UBE2J1: variants seen among roughly 807,000 people sequenced by gnomAD.
The protein encoded by UBE2J1 is ubiquitin-conjugating enzyme E2 J1.
A neutral mutation model predicts 42.1 loss-of-function variants in UBE2J1; 17 were observed. That is an observed-to-expected ratio of 0.40 (90% CI 0.28 to 0.61). The LOEUF (loss-of-function observed/expected upper bound fraction) is 0.61, where lower values mean the gene tolerates loss of function less well. Ranked by LOEUF, UBE2J1 falls within the 20% of genes least tolerant of loss-of-function variation. UBE2J1 has a pLI of 0.38. For missense variants in UBE2J1, 291 were observed against 389.4 expected, an observed-to-expected ratio of 0.75 and a Z score of 2.13; for synonymous variants, 127 against 137.2, an observed-to-expected ratio of 0.93 and a Z score of 0.52.
rs1562405873 is a variant in UBE2J1, at chr6:89,326,892, T to C, written c.*2787A>G. On this transcript the variant is annotated 3_prime_UTR_variant, in exon 8 of 8. Transcript: ENST00000435041. ...TGAGTCCAAATGTGTGAGTGAGGTT[T>C]ACCTGTTTTCTGATTCTGATCTATA... The C allele has an allele frequency of 6.6e-6, 1 of 152,422 alleles. No individual in the cohort carries two copies. Among genetic ancestry groups the C allele is most frequent in the Non-Finnish European group, 1.5e-5 (1 of 68,026 alleles). The allele number at this position is 152,422 out of a possible 1,614,324, so 9.4% of individuals were successfully genotyped here.
Position 89,329,466 on chromosome 6 carries a change from C to A in UBE2J1, c.*213G>T, listed in dbSNP as rs1767961842. On this transcript the variant is annotated 3_prime_UTR_variant, in exon 8 of 8. Transcript: ENST00000435041. ...CTGCAAAGCAGATCAAATAGTGAGA[C>A]AAGGAACTTTGACTTCTAGTCCCTT... 5.4e-6 allele frequency: 3 copies of A among 552,416 alleles called. No individual in the cohort carries two copies. The Admixed American group carries it at 1.1e-4, about 20-fold the overall frequency. The allele number at this position is 552,416 out of a possible 1,614,324, so 34.2% of individuals were successfully genotyped here. A position where few individuals can be genotyped will look rare whatever the true frequency, so the allele number is the denominator to read the frequency against.
intron 3 of UBE2J1, among the ~76,000 whole-genome samples, chr6:89,340,776 T>G (rs201606401): frequency 6.8e-6 from 1 of 146,598 alleles, no homozygotes. Context: ...TTATTTATGT[T>G]TTTTTTTTTT....
intron 3 of UBE2J1, among the ~76,000 whole-genome samples, chr6:89,339,093 A>C (rs1417968820): frequency 6.6e-6 from 1 of 152,074 alleles, no homozygotes; most frequent in Non-Finnish European, 1.5e-5. Context: ...GCACCTTTTG[A>C]AACTGAGTTG....
chr6:89,339,799 A>G (rs2127867811), intron 3 of UBE2J1, among the ~76,000 whole-genome samples: 1 of 151,734 alleles, frequency 6.6e-6, no homozygotes, highest in South Asian at 2.1e-4. Context: ...ACTTGAGGCC[A>G]GGAGTTTGAG....
At chr6:89,351,172 C>G (rs563764658) in intron 1 of UBE2J1, among the ~76,000 whole-genome samples, 1 of 147,424 alleles carries the variant, frequency 6.8e-6, no homozygotes, top group East Asian at 2.1e-4. Flanking sequence ...ACCTCCTCCC[C>G]GGGTCAAGCC....
In UBE2J1 at chr6:89,352,651, C is replaced by T. The variant is rs905066374; in HGVS notation, c.-82G>A. ...GGCCGCTGCCCGGGTCTCAGCGCGGCTCGGGCGGACGGGGCCTGGCCGAGG... is the reference window on the plus strand; with the variant it reads ...GGCCGCTGCCCGGGTCTCAGCGCGGTTCGGGCGGACGGGGCCTGGCCGAGG... On this transcript the variant is annotated 5_prime_UTR_variant, in exon 1 of 8. Coordinates refer to ENST00000435041, the MANE Select transcript of UBE2J1 (RefSeq NM_016021.3). 1.0e-5 allele frequency: 15 copies of T among 1,439,006 alleles called. No individual in the cohort carries two copies. The African/African-American group carries it at 2.1e-4, about 20-fold the overall frequency. The allele number at this position is 1,439,006 out of a possible 1,614,324, so 89.1% of individuals were successfully genotyped here.
intron 6 of UBE2J1, among the ~76,000 whole-genome samples, chr6:89,333,627 TTTGA>T (rs2127861516): frequency 1.3e-5 from 2 of 152,348 alleles, no homozygotes; most frequent in South Asian, 4.1e-4. Context: ...TCCTAATGGA[TTTGA>T]TTATGAGGTG....
chr6:89,343,716 A>C lies in UBE2J1; in HGVS notation c.72T>G (p.Asp24Glu). 2.5e-6 allele frequency: 4 copies of C among 1,610,416 alleles called. No individual in the cohort carries two copies. The highest frequency in any genetic ancestry group is 3.4e-6 in the Non-Finnish European group (4 of 1,178,426). The change falls in exon 2 of 8, where the codon GAT becomes GAG. Residue 24 changes from aspartate (D) to glutamate (E), a missense_variant. Asp to Glu is a conservative substitution (Grantham distance 45). Transcript: ENST00000435041. The part of the protein sequence containing the change: ...RLMKEAAELK[D>E]PTDHYHAQPL... The stretch of plus-strand genomic sequence containing the variant: ...GCTGCGCATGGTAATGATCTGTTGG[A>C]TCTTTCAATTCTGCCGCTTCTTTCA...
rs767050105 is a variant in UBE2J1, at chr6:89,329,653, C to A, written c.*26G>T. On this transcript the variant is annotated 3_prime_UTR_variant, in exon 8 of 8. Coordinates refer to ENST00000435041, the MANE Select transcript of UBE2J1 (RefSeq NM_016021.3). ...AGAATGTTTAATGAAGCAGTTGAGT[C>A]ACAGCTCATAAGTCACAAAACCATA... 112 of 1,611,936 alleles carry A rather than the reference C, an allele frequency of 6.9e-5. No homozygotes were observed. Among genetic ancestry groups the A allele is most frequent in the Non-Finnish European group, 9.4e-5 (111 of 1,178,926 alleles).
At chr6:89,334,905 C>G (rs181512957) in intron 6 of UBE2J1, among the ~76,000 whole-genome samples, 2 of 152,076 alleles carry the variant, frequency 1.3e-5, no homozygotes, top group Non-Finnish European at 2.9e-5. Context: ...GATTTAGGTA[C>G]CATTATTATT....
intron 7 of UBE2J1, 74 bp from the exon 8 acceptor site, chr6:89,330,031 A>G: frequency 7.0e-7 from 1 of 1,434,426 alleles, no homozygotes; most frequent in Non-Finnish European, 9.7e-7. Flanking sequence ...CTATTCAAGA[A>G]TACACAATCT....
intron 4 of UBE2J1, 51 bp from the exon 5 acceptor site, chr6:89,338,361 G>C: frequency 6.4e-7 from 1 of 1,571,060 alleles, no homozygotes; most frequent in East Asian, 2.2e-5. Flanking sequence ...AAAGCAACTG[G>C]GTTTATTCTG....
At chr6:89,345,567 A>G (rs2127871893) in intron 1 of UBE2J1, among the ~76,000 whole-genome samples, 1 of 151,226 alleles carries the variant, frequency 6.6e-6, no homozygotes, top group East Asian at 1.9e-4. Context: ...GTGCCATTGC[A>G]CTCCAGCCTG....
intron 7 of UBE2J1, 130 bp from the exon 8 acceptor site, chr6:89,330,087 T>C (rs989577575): frequency 1.7e-5 from 15 of 904,590 alleles, no homozygotes; most frequent in Middle Eastern, 3.3e-4. Flanking sequence ...AGAATGATTG[T>C]TACTAATAAT....
In UBE2J1 at chr6:89,338,194, G is replaced by A; in HGVS notation, c.428+11C>T. ...ATTCAGACCTCAAGAAGAATGAAATGCAAAACTTACTTTTTGGCAAGTGCT... is the reference window on the plus strand; with the variant it reads ...ATTCAGACCTCAAGAAGAATGAAATACAAAACTTACTTTTTGGCAAGTGCT... On this transcript the variant is annotated intron_variant, in intron 5 of 7. Transcript: ENST00000435041. 6.2e-7 allele frequency: 1 copy of A among 1,600,388 alleles called. No homozygotes were observed. The highest frequency in any genetic ancestry group is 8.5e-7 in the Non-Finnish European group (1 of 1,170,016).
chr6:89,344,188 A>AATGC (rs1284336908), intron 1 of UBE2J1, among the ~76,000 whole-genome samples: 1 of 152,160 alleles, frequency 6.6e-6, no homozygotes, highest in African/African-American at 2.4e-5. Context: ...TGGGATTCCA[A>AATGC]CACAGGCAAT....
At chr6:89,339,454 A>G (rs1210611879) in intron 3 of UBE2J1, among the ~76,000 whole-genome samples, 3 of 22,192 alleles carry the variant, frequency 1.4e-4, no homozygotes, top group South Asian at 1.4e-3. Context: ...AAAAGAGGAG[A>G]GGAGGGGAGG....
intron 3 of UBE2J1, among the ~76,000 whole-genome samples, chr6:89,340,836 C>T (rs964219712): frequency 1.3e-5 from 2 of 150,820 alleles, no homozygotes; most frequent in East Asian, 1.9e-4. Context: ...ACTGCAGTGG[C>T]GCAATCTCGG....
chr6:89,332,905 T>A (rs1768035926), intron 7 of UBE2J1, among the ~76,000 whole-genome samples, 181 bp downstream of exon 7: 1 of 152,160 alleles, frequency 6.6e-6, no homozygotes. Context: ...AAAAGAAAAC[T>A]GAGGCCAGAA....
Sources: allele counts gnomAD v4.1 joint callset (sites outside exome capture counted in the v4.1 genomes callset), GRCh38; gene constraint gnomAD v4.1.1; transcripts MANE v1.5; gene names NCBI Gene and HGNC (gene_info 2026-07-23, HGNC 2026-07-21).